DLGAP4: variants seen among roughly 807,000 people sequenced by gnomAD.
DLGAP4 encodes the protein disks large-associated protein 4.
A neutral mutation model predicts 86.9 loss-of-function variants in DLGAP4; 18 were observed. The ratio of observed to expected loss-of-function variants is 0.21; its 90% CI spans 0.14 to 0.31. DLGAP4 has a LOEUF of 0.31. Ranked by LOEUF, DLGAP4 falls within the 10% of genes least tolerant of loss-of-function variation. The pLI, the probability that DLGAP4 is intolerant of heterozygous loss-of-function variation, is 1.00. For synonymous variants in DLGAP4, 548 were observed against 574.3 expected (o/e 0.95, Z 0.65); for missense variants, 1,085 against 1,362.6 (o/e 0.80, Z 3.21).
intron 7 of DLGAP4, among the ~76,000 whole-genome samples, chr20:36,477,627 A>C (rs568949128): frequency 6.6e-6 from 1 of 152,162 alleles, no homozygotes; most frequent in South Asian, 2.1e-4. Flanking sequence ...TTCATTAGCT[A>C]CTTGCTCTAG....
In DLGAP4 at chr20:36,342,598, T is replaced by C. The variant is rs147220719; in HGVS notation, c.-303-24447T>C. Among the ~76,000 whole-genome samples the C allele has an allele frequency of 2.8e-4, 42 of 152,316 alleles. No individual in the cohort carries two copies. In the East Asian group the frequency reaches 6.6e-3, roughly 24 times the overall value. ...GGGATTGGGGCCCGCAGGGAGCAAC[T>C]GTCTGAGCTCAGAGAAGCCTCAGAA... is the stretch of plus-strand genomic sequence containing the variant. On this transcript the variant is annotated intron_variant, in intron 1 of 12. Coordinates refer to ENST00000339266, the MANE Select transcript of DLGAP4 (RefSeq NM_001365621.2).
At chr20:36,380,594 AG>A (rs988696139) in intron 2 of DLGAP4, among the ~76,000 whole-genome samples, 2 of 362 alleles carry the variant, frequency 5.5e-3, no homozygotes, top group African/African-American at 0.048. Context: ...TCTGCATTAA[AG>A]AGAGAGAGAG....
intron 1 of DLGAP4, among the ~76,000 whole-genome samples, chr20:36,337,884 T>C (rs1332616619): frequency 6.6e-6 from 1 of 152,122 alleles, no homozygotes; most frequent in African/African-American, 2.4e-5. Context: ...GGCCCTTGCC[T>C]CCCCATCCCT....
chr20:36,416,719 C>T (rs552440218), intron 2 of DLGAP4, among the ~76,000 whole-genome samples: 3 of 152,244 alleles, frequency 2.0e-5, no homozygotes, highest in African/African-American at 7.2e-5. Context: ...GGATTTTAAG[C>T]AGGGAAAGGC....
chr20:36,363,291 G>T (rs1471630716), intron 1 of DLGAP4, among the ~76,000 whole-genome samples: 2 of 152,226 alleles, frequency 1.3e-5, no homozygotes, highest in Admixed American at 1.3e-4. Context: ...CGTCTGCAGG[G>T]CTGTTAGCTT....
intron 1 of DLGAP4, among the ~76,000 whole-genome samples, chr20:36,365,187 G>A (rs782566732): frequency 1.6e-4 from 25 of 152,328 alleles, no homozygotes; most frequent in Non-Finnish European, 2.8e-4. Flanking sequence ...AGGAGGCCTC[G>A]GGCCCCTAGG....
intron 1 of DLGAP4, among the ~76,000 whole-genome samples, chr20:36,324,942 C>T (rs546956390): frequency 3.3e-5 from 5 of 152,038 alleles, no homozygotes; most frequent in African/African-American, 1.2e-4. Flanking sequence ...TGTTTGTTTT[C>T]TCTTTTATTG....
chr20:36,310,980 A>G (rs1178900128), intron 1 of DLGAP4, among the ~76,000 whole-genome samples: 4 of 152,170 alleles, frequency 2.6e-5, no homozygotes, highest in East Asian at 1.9e-4. Flanking sequence ...ATTGTGACCT[A>G]TGGGGGAGAG....
intron 7 of DLGAP4, among the ~76,000 whole-genome samples, chr20:36,474,742 A>C (rs1234778067): frequency 6.6e-6 from 1 of 152,060 alleles, no homozygotes; most frequent in Non-Finnish European, 1.5e-5. Flanking sequence ...AGTGTGTGGG[A>C]AGGGTGGGGG....
chr20:36,396,397 TACAC>T (rs200112645), intron 2 of DLGAP4, among the ~76,000 whole-genome samples: 227 of 8,292 alleles, frequency 0.027, 4 homozygotes, highest in Middle Eastern at 0.042. Flanking sequence ...ACATGCCACA[TACAC>T]ACACCACATA....
chr20:36,461,419 A>AGGGGCGGGGC, intron 7 of DLGAP4: 1 of 954,988 alleles, frequency 1.0e-6, no homozygotes, highest in African/African-American at 1.9e-5. Flanking sequence ...GGGGGCGGGG[A>AGGGGCGGGGC]GGGGCGGGGC....
intron 1 of DLGAP4, among the ~76,000 whole-genome samples, chr20:36,332,103 A>T (rs999018922): frequency 2.0e-5 from 3 of 152,108 alleles, no homozygotes; most frequent in African/African-American, 7.2e-5. Context: ...AGGTGATGTG[A>T]TCAGATTCAT....
At chr20:36,519,144 T>C (rs1344277113) in intron 10 of DLGAP4, among the ~76,000 whole-genome samples, 1 of 148,136 alleles carries the variant, frequency 6.8e-6, no homozygotes, top group Non-Finnish European at 1.5e-5. Flanking sequence ...CTGGGCGTGG[T>C]GGTGCACTCC....
chr20:36,513,421 G>C (rs966008551), intron 10 of DLGAP4, among the ~76,000 whole-genome samples: 6 of 150,628 alleles, frequency 4.0e-5, no homozygotes, highest in African/African-American at 1.5e-4. Context: ...GGTGGCGGGC[G>C]CCTGTAGTCC....
At chr20:36,464,781 C>T (rs765243480) in intron 7 of DLGAP4, among the ~76,000 whole-genome samples, 2 of 151,258 alleles carry the variant, frequency 1.3e-5, no homozygotes, top group Non-Finnish European at 2.9e-5. Context: ...ACCTGGGAAG[C>T]GGAGGTTGCA....
intron 1 of DLGAP4, among the ~76,000 whole-genome samples, chr20:36,356,472 C>T (rs2030332441): frequency 6.6e-6 from 1 of 152,102 alleles, no homozygotes; most frequent in African/African-American, 2.4e-5. Flanking sequence ...CCACTATGCC[C>T]AGCTAATTAT....
intron 10 of DLGAP4, 106 bp from the exon 11 acceptor site, chr20:36,524,144 A>G: frequency 1.2e-6 from 1 of 848,896 alleles, no homozygotes; most frequent in Non-Finnish European, 2.0e-6. Flanking sequence ...TCATGAAATA[A>G]TGAGTTCTAC....
At chr20:36,401,801 G>C (rs2032169357) in intron 2 of DLGAP4, among the ~76,000 whole-genome samples, 2 of 152,248 alleles carry the variant, frequency 1.3e-5, no homozygotes, top group African/African-American at 2.4e-5. Flanking sequence ...AGCACCCACT[G>C]TAGACTGAAG....
intron 7 of DLGAP4, 21 bp from the exon 8 acceptor site, chr20:36,496,684 C>A (rs1186198819): frequency 1.3e-6 from 2 of 1,587,236 alleles, no homozygotes; most frequent in Admixed American, 3.4e-5. Context: ...TCTCCCCTGC[C>A]CTTCTCTCAT....
Sources: gnomAD v4.1 joint callset for allele counts (sites outside exome capture counted in the v4.1 genomes callset) on GRCh38, gnomAD v4.1.1 for gene constraint, MANE v1.5 for transcripts, NCBI Gene and HGNC (gene_info 2026-07-23, HGNC 2026-07-21) for gene names.